Variants in SIRT5 observed in about 807,000 individuals in gnomAD.
The protein encoded by SIRT5 is NAD-dependent protein deacylase sirtuin-5, mitochondrial.
Under a neutral mutation model 40.0 loss-of-function variants are expected in SIRT5, and 26 were observed. The observed-to-expected ratio is 0.65, with a 90% CI of 0.48 to 0.90. SIRT5 has a LOEUF of 0.90. SIRT5 is among the 40% of genes least tolerant of loss of function. The pLI is 0.00. For missense variants in SIRT5, 401 were observed against 402.4 expected (o/e 1.00, Z 0.03); for synonymous variants, 146 against 149.1 (o/e 0.98, Z 0.15).
Position 13,588,320 on chromosome 6 carries a change from ACT to A in SIRT5, c.116-8_116-7del. ...TGTACACTGGATTGATAAAGATTTCACTCTGTTTAGGTATGGCAGATTTTCGA... is the reference window on the plus strand; with the variant it reads ...TGTACACTGGATTGATAAAGATTTCACTGTTTAGGTATGGCAGATTTTCGA... On this transcript the variant is annotated splice_polypyrimidine_tract_variant and intron_variant, in intron 3 of 9. Coordinates refer to ENST00000606117, the MANE Select transcript of SIRT5 (RefSeq NM_012241.5). 6.2e-7 allele frequency: 1 copy of A among 1,610,760 alleles called. No individual in the cohort carries two copies.
At chr6:13,610,498 A>G (rs930129783) in intron 9 of SIRT5, among the ~76,000 whole-genome samples, 2 of 152,202 alleles carry the variant, frequency 1.3e-5, no homozygotes, top group African/African-American at 4.8e-5. Flanking sequence ...TTGGTACTCC[A>G]TATGTTTCAC....
intron 1 of SIRT5, among the ~76,000 whole-genome samples, chr6:13,575,461 A>T (rs1411995956): frequency 6.6e-6 from 1 of 152,100 alleles, no homozygotes; most frequent in Admixed American, 6.5e-5. Flanking sequence ...TTCAAAAATT[A>T]TTTATTGGGA....
intron 5 of SIRT5, among the ~76,000 whole-genome samples, chr6:13,594,179 A>T (rs1207209719): frequency 6.6e-6 from 1 of 152,162 alleles, no homozygotes; most frequent in South Asian, 2.1e-4. Flanking sequence ...GGCCACGGAG[A>T]ATAACAACAA....
chr6:13,611,977 T>C lies in SIRT5; in HGVS notation c.*112T>C. The C allele has an allele frequency of 1.0e-6, 1 of 986,312 alleles. No homozygotes were observed. Among genetic ancestry groups the C allele is most frequent in the Non-Finnish European group, 1.5e-6 (1 of 655,436 alleles). The allele number at this position is 986,312 out of a possible 1,614,324, so 61.1% of individuals were successfully genotyped here. ...TACTGAACAATCTAAAAATAGCCTC[T>C]GATTCCCTCGCTGGAATCCAACCTG... On this transcript the variant is annotated 3_prime_UTR_variant, in exon 10 of 10. Coordinates refer to ENST00000606117, the MANE Select transcript of SIRT5 (RefSeq NM_012241.5).
chr6:13,612,081 T>G lies in SIRT5; in HGVS notation c.*216T>G, dbSNP rs1363122879. ...ACAGAACTGGAAAGTTAATTCATAT[T>G]ATTTGGTTTGAACTGAAACGTGAGG... On this transcript the variant is annotated 3_prime_UTR_variant, in exon 10 of 10. Coordinates refer to ENST00000606117, the MANE Select transcript of SIRT5 (RefSeq NM_012241.5). 1 of 409,334 alleles carries G rather than the reference T, an allele frequency of 2.4e-6. No homozygotes were observed. The highest frequency in any genetic ancestry group is 2.0e-5 in the African/African-American group (1 of 50,340). 25.4% of individuals were successfully genotyped at this position (409,334 alleles called of 1,614,324 possible).
At chr6:13,587,366 G>A (rs1441625544) in intron 3 of SIRT5, among the ~76,000 whole-genome samples, 1 of 152,240 alleles carries the variant, frequency 6.6e-6, no homozygotes, top group Non-Finnish European at 1.5e-5. Flanking sequence ...GAGAGAAGCA[G>A]AAACAAGCTG....
At chr6:13,604,810 A>G (rs1048215167) in intron 9 of SIRT5, 1 of 1,112,662 alleles carries the variant, frequency 9.0e-7, no homozygotes. Flanking sequence ...TACTTCAGCC[A>G]AAATTCTTCA....
chr6:13,588,582 AC>A, intron 4 of SIRT5, 118 bp downstream of exon 4: 1 of 1,250,732 alleles, frequency 8.0e-7, no homozygotes, highest in South Asian at 1.7e-5. Context: ...GTGAACTGTG[AC>A]CCTATTGTCT....
intron 2 of SIRT5, among the ~76,000 whole-genome samples, chr6:13,582,394 T>C (rs993616348): frequency 5.3e-5 from 8 of 152,190 alleles, no homozygotes; most frequent in Admixed American, 6.5e-5. Context: ...CTAACCATTA[T>C]TAAGGGTACA....
intron 9 of SIRT5, among the ~76,000 whole-genome samples, chr6:13,604,070 GAAC>G (rs1326471045): frequency 6.6e-6 from 1 of 152,190 alleles, no homozygotes; most frequent in East Asian, 1.9e-4. Context: ...GTGCTAATGA[GAAC>G]AAGTTTCTTT....
rs200243694 is a variant in SIRT5 at position 13,584,078 on chromosome 6, C to T, written c.-33C>T. On this transcript the variant is annotated splice_region_variant and 5_prime_UTR_variant, in exon 3 of 10. Transcript: ENST00000606117. ...TTGTTTTTGTGATTTTTCTAAAGCC[C>T]GCCTCAAGCATTAGAACTACAGACA... The T allele has an allele frequency of 3.6e-5, 54 of 1,495,930 alleles. No individual in the cohort carries two copies. The highest frequency in any genetic ancestry group is 2.2e-4 in the Admixed American group (13 of 58,334). The allele number at this position is 1,495,930 out of a possible 1,614,324, so 92.7% of individuals were successfully genotyped here.
intron 9 of SIRT5, chr6:13,605,731 G>T (rs925966962): frequency 7.1e-6 from 7 of 985,384 alleles, no homozygotes; most frequent in Non-Finnish European, 7.2e-6. Flanking sequence ...AGGCATTTTT[G>T]AATTTAAACC....
chr6:13,582,534 G>C (rs1434822290), intron 2 of SIRT5, among the ~76,000 whole-genome samples: 1 of 142,886 alleles, frequency 7.0e-6, no homozygotes, highest in African/African-American at 2.6e-5. Flanking sequence ...TTAGTATTGA[G>C]TTTTATGAGT....
In SIRT5 at chr6:13,584,199, G is replaced by A; in HGVS notation, c.89G>A (p.Cys30Tyr). 6.2e-7 allele frequency: 1 copy of A among 1,614,064 alleles called. No homozygotes were observed. Among genetic ancestry groups the A allele is most frequent in the Non-Finnish European group, 8.5e-7 (1 of 1,179,980 alleles). ...CCAGCGTCCACACGAAACCAGATTT[G>A]CCTGAAAATGGCTCGGCCAAGTTCA... The part of the protein sequence containing the change: ...KPPASTRNQI[C>Y]LKMARPSSSM... The change falls in exon 3 of 10, where the codon TGC (cysteine) becomes TAC (tyrosine). Residue 30 changes from cysteine to tyrosine, a missense_variant. Transcript: ENST00000606117.
At chr6:13,585,061 A>C (rs1759881663) in intron 3 of SIRT5, 1 of 152,188 alleles carries the variant, frequency 6.6e-6, no homozygotes, top group Non-Finnish European at 1.5e-5. Flanking sequence ...ACACATCTAC[A>C]ACCATCTGAT....
At chr6:13,588,639 A>C (rs754455661) in intron 4 of SIRT5, among the ~76,000 whole-genome samples, 175 bp downstream of exon 4, 1 of 152,204 alleles carries the variant, frequency 6.6e-6, no homozygotes, top group Non-Finnish European at 1.5e-5. Flanking sequence ...TAAGATCAAA[A>C]TTTAAGCAAG....
In SIRT5 at chr6:13,584,138, C is replaced by T. The variant is rs143890704; in HGVS notation, c.28C>T (p.Arg10Ter). ...GCGACCTCTCCAGATTGTCCCAAGTCGATTGATTTCCCAGCTATATTGTGG... is the reference window on the plus strand; with the variant it reads ...GCGACCTCTCCAGATTGTCCCAAGTTGATTGATTTCCCAGCTATATTGTGG... MRPLQIVPSRLISQLYCGLK... is the reference protein window; with the variant it reads MRPLQIVPS The change falls in exon 3 of 10, where the codon CGA becomes TGA. Residue 10 changes from arginine (R) to a stop codon, truncating the protein, a stop_gained. Coordinates refer to ENST00000606117, the MANE Select transcript of SIRT5 (RefSeq NM_012241.5). LOFTEE classifies it high-confidence loss of function. The T allele has an allele frequency of 6.1e-4, 981 of 1,614,136 alleles. 3 individuals are homozygous for T. The highest frequency in any genetic ancestry group is 9.0e-4 in the Admixed American group (54 of 60,018).
In SIRT5 at chr6:13,613,564, A is replaced by G. The variant is rs79562910; in HGVS notation, c.*1699A>G. ...TAGAAACAGGCAACAAGACACTATC[A>G]TATAAAACTTTGTACTGCATTGCAA... On this transcript the variant is annotated 3_prime_UTR_variant, in exon 10 of 10. Transcript: ENST00000606117. 7,838 of 152,356 alleles carry G rather than the reference A, an allele frequency of 0.051. 227 individuals carry two copies. Among genetic ancestry groups the G allele is most frequent in the South Asian group, 0.12 (584 of 4,830 alleles). The allele number at this position is 152,356 out of a possible 1,614,324, so 9.4% of individuals were successfully genotyped here. A position where few individuals can be genotyped will look rare whatever the true frequency, so the allele number is the denominator to read the frequency against.
intron 9 of SIRT5, chr6:13,605,859 C>T (rs1326016772): frequency 1.0e-6 from 1 of 981,656 alleles, no homozygotes; most frequent in Non-Finnish European, 1.2e-6. Flanking sequence ...CTTCAAAGCA[C>T]CTTTGGCCCA....
Sources: gnomAD v4.1 joint callset for allele counts (sites outside exome capture counted in the v4.1 genomes callset) on GRCh38, gnomAD v4.1.1 for gene constraint, MANE v1.5 for transcripts, NCBI Gene and HGNC (gene_info 2026-07-23, HGNC 2026-07-21) for gene names.